The following ATPAF2 variants were observed in gnomAD, a reference collection of about 807,000 sequenced individuals.
ATPAF2 encodes the protein ATP synthase mitochondrial F1 complex assembly factor 2.
A neutral mutation model predicts 36.6 loss-of-function variants in ATPAF2; 30 were observed. The ratio of observed to expected loss-of-function variants is 0.82; its 90% confidence interval spans 0.61 to 1.11. The LOEUF (loss-of-function observed/expected upper bound fraction) is 1.11. ATPAF2 is among the 50% of genes most tolerant of loss of function. The probability of loss-of-function intolerance (pLI) is 0.00; values close to 1 mark genes in which losing one functional copy is unlikely to be tolerated. For missense variants in ATPAF2, 321 were observed against 372.3 expected (o/e 0.86, Z 1.13); for synonymous variants, 140 against 152.6 (o/e 0.92, Z 0.61).
rs750424854 is a variant in ATPAF2, at chr17:18,021,865, G to A, written c.504-8C>T. The A allele has an allele frequency of 1.2e-6, 2 of 1,612,646 alleles. No homozygotes were observed. Among genetic ancestry groups the A allele is most frequent in the East Asian group, 2.2e-5 (1 of 44,872 alleles). On this transcript the variant is annotated splice_polypyrimidine_tract_variant and splice_region_variant and intron_variant, in intron 5 of 7. Coordinates refer to ENST00000474627, the MANE Select transcript of ATPAF2 (RefSeq NM_145691.4). ...CTGATCTCCACGCCGTATCTGAAAG[G>A]AAAAGGGCTTCGGCATGTCTCTGTC...
At chr17:18,022,689 G>A (rs1039021581) in intron 5 of ATPAF2, among the ~76,000 whole-genome samples, 12 of 144,924 alleles carry the variant, frequency 8.3e-5, no homozygotes, top group African/African-American at 2.8e-4. Context: ...TGCGACCTCC[G>A]CCTCCTGACC....
At chr17:18,028,784 C>T in intron 1 of ATPAF2, 125 bp from the exon 2 acceptor site, 1 of 908,884 alleles carries the variant, frequency 1.1e-6, no homozygotes, top group Non-Finnish European at 1.8e-6. Flanking sequence ...TATCCCCATT[C>T]AAGGTCTGCC....
At chr17:18,034,354 G>A (rs1397641123) in intron 1 of ATPAF2, among the ~76,000 whole-genome samples, 1 of 152,102 alleles carries the variant, frequency 6.6e-6, no homozygotes, top group East Asian at 1.9e-4. Context: ...GCAGTAAGCT[G>A]TAACTGAGCC....
At chr17:18,036,403 G>A (rs1253013940) in intron 1 of ATPAF2, among the ~76,000 whole-genome samples, 9 of 152,028 alleles carry the variant, frequency 5.9e-5, no homozygotes, top group South Asian at 4.2e-4. Context: ...GTGAAACTCC[G>A]TCTCTACTGA....
intron 7 of ATPAF2, 174 bp downstream of exon 7, chr17:18,020,949 C>T: frequency 2.1e-6 from 3 of 1,418,978 alleles, no homozygotes; most frequent in African/African-American, 2.9e-5. Context: ...GTGTGAACCA[C>T]CATGCCAGGC....
intron 3 of ATPAF2, 45 bp from the exon 4 acceptor site, chr17:18,026,461 A>C: frequency 6.7e-7 from 1 of 1,495,562 alleles, no homozygotes; most frequent in Non-Finnish European, 9.3e-7. Context: ...TGCGGGGCTC[A>C]GGCAAAAGCC....
intron 5 of ATPAF2, among the ~76,000 whole-genome samples, chr17:18,023,743 T>C (rs992255684): frequency 2.6e-5 from 4 of 152,196 alleles, no homozygotes; most frequent in African/African-American, 9.7e-5. Flanking sequence ...GGCAAATCAG[T>C]GAACTGATTG....
chr17:18,036,910 A>G (rs1039343162), intron 1 of ATPAF2, among the ~76,000 whole-genome samples: 12 of 152,090 alleles, frequency 7.9e-5, no homozygotes, highest in Non-Finnish European at 1.6e-4. Flanking sequence ...CATCTCTACT[A>G]AAAATACAAA....
In ATPAF2 at chr17:18,036,550, TGG is replaced by T. The variant is rs535808503; in HGVS notation, c.133+2329_133+2330del. ...AAGATTGCGCCACTGCACTCCAGCCTGGGTGACAGTGCAAGACTCTGTCTCAA... is the reference window on the plus strand; with the variant it reads ...AAGATTGCGCCACTGCACTCCAGCCTGTGACAGTGCAAGACTCTGTCTCAA... On this transcript the variant is annotated intron_variant, in intron 1 of 7. Coordinates refer to ENST00000474627, the MANE Select transcript of ATPAF2 (RefSeq NM_145691.4). 2.6e-3 allele frequency among the ~76,000 whole-genome samples: 385 copies of T among 150,238 alleles called. 3 individuals are homozygous for T. The highest frequency in any genetic ancestry group is 9.1e-3 in the African/African-American group (371 of 40,654).
At chr17:18,038,378 G>A (rs2044735971) in intron 1 of ATPAF2, among the ~76,000 whole-genome samples, 1 of 152,226 alleles carries the variant, frequency 6.6e-6, no homozygotes, top group Admixed American at 6.5e-5. Flanking sequence ...GCTGCAGATG[G>A]CAGAGGTTGT....
At chr17:18,030,320 C>CAAAAAAAAAAAAAA (rs1162130285) in intron 1 of ATPAF2, among the ~76,000 whole-genome samples, 3 of 64,102 alleles carry the variant, frequency 4.7e-5, no homozygotes, top group African/African-American at 6.4e-5. Context: ...GACTCCATCT[C>CAAAAAAAAAAAAAA]AAAAAAAAAA....
chr17:18,027,216 T>C (rs1314566684), intron 3 of ATPAF2, among the ~76,000 whole-genome samples: 1 of 151,104 alleles, frequency 6.6e-6, no homozygotes, highest in East Asian at 1.9e-4. Context: ...GTTAGACTGT[T>C]TAAAAAAAAA....
intron 1 of ATPAF2, among the ~76,000 whole-genome samples, chr17:18,029,509 C>G (rs942049421): frequency 3.9e-5 from 6 of 152,096 alleles, no homozygotes; most frequent in Admixed American, 2.0e-4. Flanking sequence ...CTTTGGAGAC[C>G]CTAACTGAAG....
intron 3 of ATPAF2, among the ~76,000 whole-genome samples, chr17:18,027,444 A>T (rs1343030352): frequency 6.6e-6 from 1 of 152,190 alleles, no homozygotes; most frequent in Non-Finnish European, 1.5e-5. Context: ...GTATTGACTG[A>T]GTGCCCAGTC....
chr17:18,021,147 C>G lies in ATPAF2; in HGVS notation c.708G>C (p.Leu236=), dbSNP rs368203002. The change falls in exon 7 of 8, where the codon CTG becomes CTC. Residue 236 remains leucine (L), a synonymous_variant. Transcript: ENST00000474627. ...LRLTVEQAVL[L]SRLEEEYQIQ... is the part of the protein sequence containing the mutation. Reference sequence around the variant, plus strand: ...CCTGGTACTCCTCCTCCAGGCGTGACAGCAGCACGGCCTGCTCCACTGTCA... The same window carrying G: ...CCTGGTACTCCTCCTCCAGGCGTGAGAGCAGCACGGCCTGCTCCACTGTCA... 5.6e-6 allele frequency: 9 copies of G among 1,613,784 alleles called. No homozygotes were observed. Among genetic ancestry groups the G allele is most frequent in the Admixed American group, 5.0e-5 (3 of 59,990 alleles).
rs761429100 is a variant in ATPAF2 at position 18,038,879 on chromosome 17, A to T, written c.133+2T>A. ...ACCCAAAAGAACATGTCATGGTCTT[A>T]CCTGTCGGCGGGGCGTAAGCCCGGG... is the stretch of plus-strand genomic sequence containing the variant. On this transcript the variant is annotated splice_donor_variant, in intron 1 of 7. Transcript: ENST00000474627. LOFTEE classifies it high-confidence loss of function. 1 of 1,613,846 alleles carries T rather than the reference A, an allele frequency of 6.2e-7. No individual in the cohort carries two copies. The highest frequency in any genetic ancestry group is 8.5e-7 in the Non-Finnish European group (1 of 1,179,884).
chr17:18,039,128 C>T lies in ATPAF2; in HGVS notation c.-115G>A. Reference sequence around the variant, plus strand: ...GTACGGAAACCTCTCAACGCCTCCTCAGAGCCCTCAACCTCCCTTGGACGC... The same window carrying T: ...GTACGGAAACCTCTCAACGCCTCCTTAGAGCCCTCAACCTCCCTTGGACGC... On this transcript the variant is annotated 5_prime_UTR_variant, in exon 1 of 8. Transcript: ENST00000474627. The surrounding 1 kb of genome is among the most constrained non-coding windows in gnomAD (Gnocchi z 5.3). The T allele has an allele frequency of 1.4e-6, 2 of 1,432,320 alleles. No homozygotes were observed. The highest frequency in any genetic ancestry group is 2.5e-5 in the East Asian group (1 of 40,266). 88.7% of individuals were successfully genotyped at this position (1,432,320 alleles called of 1,614,324 possible).
rs149259584 is a variant in ATPAF2 at position 18,019,272 on chromosome 17, A to G, written c.733-586T>C. Among the ~76,000 whole-genome samples the G allele has an allele frequency of 7.6e-4, 115 of 152,244 alleles. No individual in the cohort carries two copies. The East Asian group carries it at 0.018, about 24-fold the overall frequency. ...TCTGGAAGAAGTGCAGTCCAGGCCC[A>G]GGCCCAGGGCCAGTGGCTGCCCACC... is the stretch of plus-strand genomic sequence containing the variant. On this transcript the variant is annotated intron_variant, in intron 7 of 7. Transcript: ENST00000474627.
intron 1 of ATPAF2, among the ~76,000 whole-genome samples, chr17:18,032,397 TG>T (rs2044648759): frequency 6.6e-6 from 1 of 150,868 alleles, no homozygotes; most frequent in Admixed American, 6.6e-5. Context: ...TAGATGGGAG[TG>T]GGATAGATGG....
Sources: gnomAD v4.1 joint callset for allele counts (sites outside exome capture counted in the v4.1 genomes callset) on GRCh38, gnomAD v4.1.1 for gene constraint, Gnocchi (gnomAD v3.1) non-coding constraint, MANE v1.5 for transcripts, NCBI Gene and HGNC (gene_info 2026-07-23, HGNC 2026-07-21) for gene names.